Variants in CDK18 observed in about 807,000 individuals in gnomAD.
The protein encoded by CDK18 is cyclin dependent kinase 18.
A neutral mutation model predicts 62.0 loss-of-function variants in CDK18; 52 were observed. The observed-to-expected ratio is 0.84, with a 90% CI of 0.67 to 1.06. CDK18 has a LOEUF of 1.06. Ranked by LOEUF, CDK18 falls within the 50% of genes least tolerant of loss-of-function variation. CDK18 has a pLI of 0.00. For missense variants in CDK18, 604 were observed against 619.9 expected (o/e 0.97, Z 0.27); for synonymous variants, 237 against 247.0 (o/e 0.96, Z 0.38).
chr1:205,531,206 G>A (rs1431501416), intron 15 of CDK18, 138 bp from the exon 16 acceptor site: 1 of 723,138 alleles, frequency 1.4e-6, no homozygotes, highest in Non-Finnish European at 2.4e-6. Context: ...TTTGACACCA[G>A]GTCAGACCGG....
At chr1:205,522,854 A>G (rs1034585916) in intron 1 of CDK18, 29 of 283,994 alleles carry the variant, frequency 1.0e-4, no homozygotes, top group African/African-American at 4.8e-4. Flanking sequence ...ATTATGACCA[A>G]TACTTTGCTG....
chr1:205,523,341 C>G, intron 2 of CDK18, 44 bp downstream of exon 2: 1 of 1,612,696 alleles, frequency 6.2e-7, no homozygotes, highest in Non-Finnish European at 8.5e-7. Context: ...ACCTACCAGA[C>G]ACTCCCCAGT....
intron 4 of CDK18, among the ~76,000 whole-genome samples, chr1:205,524,598 C>T (rs1575069826): frequency 6.6e-6 from 1 of 152,262 alleles, no homozygotes; most frequent in African/African-American, 2.4e-5. Context: ...ACGGTCTCCA[C>T]ATGGTTAAGA....
intron 1 of CDK18, among the ~76,000 whole-genome samples, chr1:205,518,312 T>G (rs542082783): frequency 6.6e-6 from 1 of 152,342 alleles, no homozygotes; most frequent in Non-Finnish European, 1.5e-5. Context: ...AATGTCTGTT[T>G]CATTCATCTG....
rs1408386522 is a variant in CDK18 at position 205,529,410 on chromosome 1, C to A, written c.1159C>A (p.Leu387Ile). 6.2e-7 allele frequency: 1 copy of A among 1,614,006 alleles called. No homozygotes were observed. The highest frequency in any genetic ancestry group is 8.5e-7 in the Non-Finnish European group (1 of 1,179,946). The change falls in exon 12 of 16, where the codon CTC becomes ATC. Residue 387 changes from leucine to isoleucine, a missense_variant. Leu to Ile is a conservative substitution (Grantham distance 5). Transcript: ENST00000429964. ...CTTCCCCTGCTACCTCCCGCAGCCG[C>A]TCATCAACCACGCGCCCAGGTAGCC... ...YSFPCYLPQP[L>I]INHAPRLDTD...
chr1:205,526,582 G>C (rs1232440832), intron 7 of CDK18, 121 bp downstream of exon 7: 2 of 969,158 alleles, frequency 2.1e-6, no homozygotes, highest in African/African-American at 3.2e-5. Flanking sequence ...GCCTTGTTCT[G>C]GAATCAGATT....
chr1:205,511,261 T>G (rs918017020), intron 1 of CDK18, among the ~76,000 whole-genome samples: 1 of 152,252 alleles, frequency 6.6e-6, no homozygotes, highest in Admixed American at 6.5e-5. Context: ...TAGTAAAGTT[T>G]TACTGGTGTG....
At chr1:205,507,396 C>T (rs1667357563) in intron 1 of CDK18, among the ~76,000 whole-genome samples, 1 of 151,652 alleles carries the variant, frequency 6.6e-6, no homozygotes, top group Non-Finnish European at 1.5e-5. Flanking sequence ...CTTTGGGAGG[C>T]CGAGGTGGAC....
At chr1:205,515,130 T>C (rs1355156248) in intron 1 of CDK18, among the ~76,000 whole-genome samples, 1 of 150,896 alleles carries the variant, frequency 6.6e-6, no homozygotes. Context: ...TGCCAGGCCC[T>C]GGAATTTGAA....
intron 1 of CDK18, among the ~76,000 whole-genome samples, chr1:205,518,699 G>A (rs982052463): frequency 1.3e-4 from 20 of 152,320 alleles, no homozygotes; most frequent in Middle Eastern, 3.4e-3. Flanking sequence ...CTGTGTGAGC[G>A]TCTTCCCCTG....
intron 1 of CDK18, among the ~76,000 whole-genome samples, chr1:205,520,181 C>T (rs1053660917): frequency 3.3e-5 from 5 of 152,208 alleles, no homozygotes. Flanking sequence ...TCCCCCGTCT[C>T]AGCACAGGAG....
intron 1 of CDK18, among the ~76,000 whole-genome samples, chr1:205,521,443 AC>A (rs1450587579): frequency 6.6e-6 from 1 of 152,140 alleles, no homozygotes; most frequent in Non-Finnish European, 1.5e-5. Context: ...CAAACTCCTG[AC>A]CTCAAGTAAT....
chr1:205,529,053 C>T lies in CDK18; in HGVS notation c.1029C>T (p.Gly343=). Residue 343 remains glycine, a synonymous_variant, in exon 11 of 16, where the codon GGC becomes GGT. Coordinates refer to ENST00000429964, the MANE Select transcript of CDK18 (RefSeq NM_212502.3). ...EMATGRPLFP[G]STVKEELHLI... is the part of the protein sequence containing the mutation. ...CCACAGGGAGGCCCCTCTTCCCGGGCTCCACAGTCAAGGAGGAGCTGCACC... is the reference window on the plus strand; with the variant it reads ...CCACAGGGAGGCCCCTCTTCCCGGGTTCCACAGTCAAGGAGGAGCTGCACC... The T allele has an allele frequency of 6.3e-7, 1 of 1,596,436 alleles. No individual in the cohort carries two copies. The highest frequency in any genetic ancestry group is 8.5e-7 in the Non-Finnish European group (1 of 1,172,056).
Position 205,523,127 on chromosome 1 carries a change from TCTC to T in CDK18, c.-21-19_-21-17del. On this transcript the variant is annotated splice_polypyrimidine_tract_variant and intron_variant, in intron 1 of 15. Transcript: ENST00000429964. ...TTGCCTTGTTCTTTTCAACTGCTCT[TCTC>T]ACACTTCCCATCTCAGGACCCGGCT... is the stretch of plus-strand genomic sequence containing the variant. 24 of 1,569,902 alleles carry T rather than the reference TCTC, an allele frequency of 1.5e-5. No individual in the cohort carries two copies. Among genetic ancestry groups the T allele is most frequent in the Non-Finnish European group, 1.9e-5 (22 of 1,156,584 alleles).
chr1:205,524,560 A>G (rs1285302787), intron 4 of CDK18, among the ~76,000 whole-genome samples: 1 of 152,208 alleles, frequency 6.6e-6, no homozygotes, highest in African/African-American at 2.4e-5. Flanking sequence ...TTGGGCTGGA[A>G]TGGGACTCTA....
chr1:205,525,843 G>A (rs144322863), intron 5 of CDK18, among the ~76,000 whole-genome samples: 4,334 of 152,296 alleles, frequency 0.028, 93 homozygotes, highest in Non-Finnish European at 0.041. Context: ...ACGGGCACGC[G>A]GCGTGCTGGG....
chr1:205,525,026 C>A, intron 4 of CDK18, 113 bp from the exon 5 acceptor site: 1 of 611,234 alleles, frequency 1.6e-6, no homozygotes, highest in Non-Finnish European at 3.0e-6. Flanking sequence ...GGAGCCCCTT[C>A]CACCATGGAG....
At chr1:205,530,554 G>A (rs1668686024) in intron 14 of CDK18, 74 bp from the exon 15 acceptor site, 2 of 1,393,384 alleles carry the variant, frequency 1.4e-6, no homozygotes, top group South Asian at 2.4e-5. Context: ...GGCTCAGTTG[G>A]TCCTTCTGGG....
At chr1:205,518,037 C>T (rs1389239121) in intron 1 of CDK18, among the ~76,000 whole-genome samples, 1 of 152,134 alleles carries the variant, frequency 6.6e-6, no homozygotes, top group Non-Finnish European at 1.5e-5. Flanking sequence ...CCCTGCTGTT[C>T]CCTTGTTGAC....
Sources: gnomAD v4.1 joint callset for allele counts (sites outside exome capture counted in the v4.1 genomes callset) on GRCh38, gnomAD v4.1.1 for gene constraint, MANE v1.5 for transcripts, NCBI Gene and HGNC (gene_info 2026-07-23, HGNC 2026-07-21) for gene names.